The following UIMC1 variants were observed in gnomAD, a reference collection of about 807,000 sequenced individuals.
UIMC1 encodes the protein ubiquitin interaction motif containing 1.
UIMC1 carries 42 observed loss-of-function variants against 84.9 expected under a neutral mutation model. That is an observed-to-expected ratio of 0.49 (90% CI 0.39 to 0.64). UIMC1 has a LOEUF of 0.64. Ranked by LOEUF, UIMC1 falls within the 30% of genes least tolerant of loss-of-function variation. The pLI is 0.00. For synonymous variants in UIMC1, 281 were observed against 293.0 expected (o/e 0.96, Z 0.42); for missense variants, 825 against 847.6 (o/e 0.97, Z 0.33).
At chr5:176,970,568 T>C in intron 4 of UIMC1, 174 bp downstream of exon 4, 1 of 980,500 alleles carries the variant, frequency 1.0e-6, no homozygotes, top group South Asian at 1.4e-5. Context: ...CAAAATACTT[T>C]AAATTGGGTT....
At chr5:177,006,073 G>A (rs1220093741) in intron 1 of UIMC1, among the ~76,000 whole-genome samples, 2 of 152,182 alleles carry the variant, frequency 1.3e-5, no homozygotes, top group African/African-American at 2.4e-5. Flanking sequence ...AACCCGGCAC[G>A]GGAAGGAGCG....
intron 1 of UIMC1, among the ~76,000 whole-genome samples, chr5:177,000,498 C>CTTTTTTTTT (rs966855813): frequency 5.0e-4 from 57 of 113,356 alleles, no homozygotes; most frequent in African/African-American, 2.1e-3. Context: ...ACTTGCATGT[C>CTTTTTTTTT]TTTTTTTTTT....
At chr5:177,011,957 C>T (rs1014039379) in intron 1 of UIMC1, among the ~76,000 whole-genome samples, 8 of 152,048 alleles carry the variant, frequency 5.3e-5, no homozygotes, top group Admixed American at 1.3e-4. Context: ...CCCGCCACCA[C>T]GCCCAGCTAA....
rs372814431 is a variant in UIMC1 at position 176,977,131 on chromosome 5, G to A, written c.148-1651C>T. The stretch of plus-strand genomic sequence containing the variant: ...CCAGCTACTCAGGAGACTGAGGCAT[G>A]AGAATCACTTGAACCCGGGAGGCAG... On this transcript the variant is annotated intron_variant, in intron 2 of 14. Transcript: ENST00000511320. Among the ~76,000 whole-genome samples, 16 of 151,276 alleles carry A rather than the reference G, an allele frequency of 1.1e-4. No individual in the cohort carries two copies. In the East Asian group the frequency reaches 3.1e-3, roughly 29 times the overall value.
Position 176,969,663 on chromosome 5 carries a change from A to G in UIMC1, c.401T>C (p.Leu134Pro). ...GGACTGGGAAGACGGTCCAGTGGCC[A>G]GAGGTCGAGATCTGGTAGCGGAAGC... ...SDASATRSRP[L>P]ATGPSSQSHQ... The change falls in exon 5 of 15, where the codon CTG becomes CCG. Residue 134 changes from leucine (L) to proline (P), a missense_variant. Leu to Pro is a moderately conservative substitution (Grantham distance 98). Transcript: ENST00000511320. 5.0e-6 allele frequency: 8 copies of G among 1,614,178 alleles called. No homozygotes were observed. Among genetic ancestry groups the G allele is most frequent in the Non-Finnish European group, 5.9e-6 (7 of 1,180,036 alleles).
chr5:176,977,004 C>T (rs1770182843), intron 2 of UIMC1, among the ~76,000 whole-genome samples: 1 of 152,106 alleles, frequency 6.6e-6, no homozygotes, highest in Non-Finnish European at 1.5e-5. Flanking sequence ...AGGCGGATCA[C>T]CTGAGGTCAG....
At chr5:176,987,030 G>T (rs530191160) in intron 1 of UIMC1, among the ~76,000 whole-genome samples, 1 of 152,186 alleles carries the variant, frequency 6.6e-6, no homozygotes, top group African/African-American at 2.4e-5. Flanking sequence ...GACTAGCCTG[G>T]CCAATATGGT....
intron 11 of UIMC1, among the ~76,000 whole-genome samples, chr5:176,909,293 A>C (rs182952987): frequency 1.3e-5 from 2 of 152,354 alleles, no homozygotes; most frequent in East Asian, 3.9e-4. Flanking sequence ...GTTTGGGTAA[A>C]GAGAGGAAAA....
intron 12 of UIMC1, 186 bp from the exon 13 acceptor site, chr5:176,907,363 A>G: frequency 1.8e-6 from 1 of 571,128 alleles, no homozygotes; most frequent in Non-Finnish European, 3.1e-6. Context: ...TGAAGAGAAT[A>G]CATCGCTATG....
rs781135749 is a variant in UIMC1 at position 176,968,991 on chromosome 5, C to G, written c.764G>C (p.Arg255Thr). 43 of 1,614,104 alleles carry G rather than the reference C, an allele frequency of 2.7e-5. No individual in the cohort carries two copies. The highest frequency in any genetic ancestry group is 3.1e-5 in the Non-Finnish European group (37 of 1,180,052). ...KAVQGSGDTSRHCLPTLADAK... is the reference protein window; with the variant it reads ...KAVQGSGDTSTHCLPTLADAK... The stretch of plus-strand genomic sequence containing the variant: ...ATCTGCTAGGGTAGGTAGACAGTGC[C>G]TAGATGTGTCCCCGCTACCCTGGAC... Residue 255 changes from arginine (R) to threonine (T), a missense_variant, in exon 6 of 15, where the codon AGG (arginine) becomes ACG (threonine). Physicochemically the swap from Arg to Thr is moderately conservative, Grantham distance 71 (BLOSUM62 -1). Coordinates refer to ENST00000511320, the MANE Select transcript of UIMC1 (RefSeq NM_001199298.2).
At chr5:176,983,336 G>A (rs777735134) in intron 1 of UIMC1, among the ~76,000 whole-genome samples, 8 of 150,158 alleles carry the variant, frequency 5.3e-5, no homozygotes, top group East Asian at 2.0e-4. Flanking sequence ...TCAGGCTCCC[G>A]TGATTCTCCT....
chr5:176,930,112 T>C (rs1323982908), intron 10 of UIMC1, among the ~76,000 whole-genome samples: 2 of 152,172 alleles, frequency 1.3e-5, no homozygotes, highest in African/African-American at 2.4e-5. Flanking sequence ...TGTGAACCCA[T>C]TACCCAACTT....
At chr5:176,927,330 T>C (rs987543750) in intron 10 of UIMC1, among the ~76,000 whole-genome samples, 2 of 151,978 alleles carry the variant, frequency 1.3e-5, no homozygotes, top group Admixed American at 6.6e-5. Flanking sequence ...CTTAGCTCAC[T>C]GCAACCTCCA....
chr5:176,950,511 T>G (rs1009468275), intron 9 of UIMC1, among the ~76,000 whole-genome samples: 3 of 152,102 alleles, frequency 2.0e-5, no homozygotes, highest in Admixed American at 1.3e-4. Context: ...AGCAACAGAT[T>G]TTTAAGATTT....
rs372252202 is a variant in UIMC1 at position 176,955,282 on chromosome 5, T to C, written c.1339+677A>G. ...CTAAAACAAAGTACCTATCTTTTAA[T>C]TTTTACAATTAACAAAAAGCAAACT... On this transcript the variant is annotated intron_variant, in intron 8 of 14. Coordinates refer to ENST00000511320, the MANE Select transcript of UIMC1 (RefSeq NM_001199298.2). 2.6e-5 allele frequency among the ~76,000 whole-genome samples: 4 copies of C among 152,210 alleles called. No homozygotes were observed. The East Asian group carries it at 5.8e-4, about 22-fold the overall frequency.
chr5:176,974,472 T>C (rs1161412767), intron 3 of UIMC1, among the ~76,000 whole-genome samples: 1 of 152,050 alleles, frequency 6.6e-6, no homozygotes, highest in Non-Finnish European at 1.5e-5. Context: ...TTCATAACCT[T>C]AGCGTAGTCA....
At chr5:176,982,309 AT>A (rs1771181084) in intron 2 of UIMC1, among the ~76,000 whole-genome samples, 159 bp downstream of exon 2, 1 of 152,232 alleles carries the variant, frequency 6.6e-6, no homozygotes, top group African/African-American at 2.4e-5. Flanking sequence ...ACCTTAAGTA[AT>A]TCTTCATTCC....
chr5:177,022,578 CCAGAGGTAG>C (rs1775921323), exon 1 of UIMC1: 2 of 702,384 alleles, frequency 2.8e-6, no homozygotes, highest in Non-Finnish European at 4.4e-6. Flanking sequence ...CTCTGAGGTA[CCAGAGGTAG>C]CAAAGCAAAA....
chr5:176,907,021 A>G (rs1759473452), intron 13 of UIMC1, 93 bp downstream of exon 13: 1 of 1,339,828 alleles, frequency 7.5e-7, no homozygotes, highest in Non-Finnish European at 1.1e-6. Context: ...GTGTACCCAG[A>G]TAACCACAGC....
Sources: allele counts gnomAD v4.1 joint callset (sites outside exome capture counted in the v4.1 genomes callset), GRCh38; gene constraint gnomAD v4.1.1; transcripts MANE v1.5; gene names NCBI Gene and HGNC (gene_info 2026-07-23, HGNC 2026-07-21).